Variants in ERG observed in about 807,000 individuals in gnomAD.
ERG encodes transcriptional regulator ERG.
A neutral mutation model predicts 55.3 loss-of-function variants in ERG; 9 were observed. The ratio of observed to expected loss-of-function variants is 0.16; its 90% CI spans 0.10 to 0.28. ERG has a LOEUF of 0.28. ERG is among the 10% of genes least tolerant of loss of function. The pLI is 1.00. For synonymous variants in ERG, 223 were observed against 237.3 expected, an observed-to-expected ratio of 0.94 and a Z score of 0.55; for missense variants, 434 against 631.6, an observed-to-expected ratio of 0.69 and a Z score of 3.35.
intron 2 of ERG, among the ~76,000 whole-genome samples, chr21:38,429,800 T>G (rs1990121359): frequency 6.6e-6 from 1 of 152,018 alleles, no homozygotes; most frequent in African/African-American, 2.4e-5. Flanking sequence ...TTGATGGGCA[T>G]TTAGGCTGGT....
chr21:38,482,365 G>A (rs1049847701), intron 1 of ERG, among the ~76,000 whole-genome samples: 1 of 152,192 alleles, frequency 6.6e-6, no homozygotes, highest in Non-Finnish European at 1.5e-5. Flanking sequence ...ACAAGAAATA[G>A]TAAGTGTTGG....
the ERG span, among the ~76,000 whole-genome samples, chr21:38,370,756 T>C: frequency 6.6e-6 from 1 of 152,070 alleles, no homozygotes; most frequent in South Asian, 2.1e-4. Flanking sequence ...GTTTATGGAC[T>C]TTCCTATTCC....
At chr21:38,446,443 AATGGC>A (rs913075440) in intron 1 of ERG, among the ~76,000 whole-genome samples, 6 of 152,190 alleles carry the variant, frequency 3.9e-5, no homozygotes, top group Non-Finnish European at 8.8e-5. Flanking sequence ...GTGGTTAGCC[AATGGC>A]TATGTTTATA....
intron 2 of ERG, among the ~76,000 whole-genome samples, chr21:38,433,135 T>C (rs1168616383): frequency 1.3e-5 from 2 of 152,232 alleles, no homozygotes; most frequent in Admixed American, 6.5e-5. Context: ...TTAAGCGTTC[T>C]ATGCTTCTCC....
intron 3 of ERG, among the ~76,000 whole-genome samples, chr21:38,421,902 G>C (rs939047640): frequency 6.6e-5 from 10 of 152,066 alleles, no homozygotes; most frequent in African/African-American, 2.4e-4. Flanking sequence ...GCCCAGGCTG[G>C]AGTGCAATGG....
intron 1 of ERG, among the ~76,000 whole-genome samples, chr21:38,446,886 C>T (rs1388993087): frequency 6.6e-6 from 1 of 152,098 alleles, no homozygotes; most frequent in East Asian, 1.9e-4. Context: ...TACCATCTGC[C>T]TTCTCCTTGC....
chr21:38,413,561 C>T (rs1224603727), intron 3 of ERG, among the ~76,000 whole-genome samples: 1 of 152,216 alleles, frequency 6.6e-6, no homozygotes, highest in Non-Finnish European at 1.5e-5. Flanking sequence ...TGAGAATCTA[C>T]AATTCTGTGT....
chr21:38,415,586 G>A (rs1182545824), intron 3 of ERG, among the ~76,000 whole-genome samples: 1 of 152,150 alleles, frequency 6.6e-6, no homozygotes, highest in Non-Finnish European at 1.5e-5. Context: ...GAGTGGAAGA[G>A]ATCCTCGGGT....
In ERG at chr21:38,380,788, C is replaced by G; in HGVS notation, c.*2615G>C. 9.5e-7 allele frequency: 1 copy of G among 1,048,536 alleles called. No homozygotes were observed. The highest frequency in any genetic ancestry group is 1.1e-6 in the Non-Finnish European group (1 of 875,292). 65.0% of individuals were successfully genotyped at this position (1,048,536 alleles called of 1,614,324 possible). On this transcript the variant is annotated 3_prime_UTR_variant, in exon 10 of 10. Transcript: ENST00000288319. ...GGTTGAGGGATCTAATGGAAAACAT[C>G]TGTTAAAATTGAATATGATAATCAT...
intron 2 of ERG, among the ~76,000 whole-genome samples, chr21:38,530,389 T>C (rs2059664055): frequency 6.6e-6 from 1 of 152,140 alleles, no homozygotes; most frequent in Non-Finnish European, 1.5e-5. Flanking sequence ...GGCATGATTG[T>C]GTTCTCTTCA....
At chr21:38,601,601 A>T (rs2060164905) in intron 1 of ERG, among the ~76,000 whole-genome samples, 1 of 152,188 alleles carries the variant, frequency 6.6e-6, no homozygotes, top group African/African-American at 2.4e-5. Flanking sequence ...TTGAATTCTT[A>T]GATTACTTGA....
intron 1 of ERG, among the ~76,000 whole-genome samples, chr21:38,482,010 G>C (rs1174736117): frequency 1.3e-5 from 2 of 152,186 alleles, no homozygotes; most frequent in Non-Finnish European, 2.9e-5. Flanking sequence ...TGAAAGTGGT[G>C]TTTGGTTTTG....
At chr21:38,395,931 C>T (rs1413669629) in intron 6 of ERG, among the ~76,000 whole-genome samples, 15 of 152,184 alleles carry the variant, frequency 9.9e-5, no homozygotes, top group East Asian at 7.7e-4. Context: ...CACCCCACAC[C>T]GCCACCCCGC....
intron 1 of ERG, among the ~76,000 whole-genome samples, chr21:38,617,534 T>C (rs2060265917): frequency 6.6e-6 from 1 of 152,256 alleles, no homozygotes; most frequent in Non-Finnish European, 1.5e-5. Flanking sequence ...CATGCTTTCA[T>C]TGTCAAGGGT....
chr21:38,434,873 T>G (rs1425840571), intron 2 of ERG, among the ~76,000 whole-genome samples: 1 of 152,250 alleles, frequency 6.6e-6, no homozygotes, highest in South Asian at 2.1e-4. Flanking sequence ...CTTTTTGTTC[T>G]TGGCAACTGT....
At chr21:38,419,115 C>G (rs987993462) in intron 3 of ERG, among the ~76,000 whole-genome samples, 1 of 152,080 alleles carries the variant, frequency 6.6e-6, no homozygotes, top group African/African-American at 2.4e-5. Context: ...AGAGACTGCC[C>G]TGCCCTATGA....
intron 2 of ERG, among the ~76,000 whole-genome samples, chr21:38,525,406 C>T (rs558836216): frequency 1.2e-4 from 19 of 152,302 alleles, no homozygotes; most frequent in African/African-American, 4.6e-4. Flanking sequence ...AAGCTTTAAC[C>T]CTCTTCTGGA....
At chr21:38,520,673 G>T (rs1052738443) in intron 2 of ERG, among the ~76,000 whole-genome samples, 5 of 152,184 alleles carry the variant, frequency 3.3e-5, no homozygotes, top group African/African-American at 1.2e-4. Context: ...TAGGGGACGG[G>T]TGACTCATTC....
intron 2 of ERG, among the ~76,000 whole-genome samples, chr21:38,536,227 T>A (rs1352078020): frequency 2.0e-5 from 3 of 152,092 alleles, no homozygotes; most frequent in Non-Finnish European, 4.4e-5. Context: ...GACTTATACT[T>A]AGGGGCTTTG....
Sources: gnomAD v4.1 joint callset for allele counts (sites outside exome capture counted in the v4.1 genomes callset) on GRCh38, gnomAD v4.1.1 for gene constraint, MANE v1.5 for transcripts, NCBI Gene and HGNC (gene_info 2026-07-23, HGNC 2026-07-21) for gene names.